CDK14: variants seen among roughly 807,000 people sequenced by gnomAD.
CDK14 encodes cyclin dependent kinase 14.
Under a neutral mutation model 60.7 loss-of-function variants are expected in CDK14, and 34 were observed. The ratio of observed to expected loss-of-function variants is 0.56; its 90% CI spans 0.43 to 0.75. CDK14 has a LOEUF of 0.75. CDK14 is among the 30% of genes least tolerant of loss of function. The pLI is 0.00. For missense variants in CDK14, 482 were observed against 564.1 expected (o/e 0.85, Z 1.47); for synonymous variants, 197 against 203.7 (o/e 0.97, Z 0.28).
At chr7:91,099,255 C>A (rs541098045) in intron 12 of CDK14, among the ~76,000 whole-genome samples, 2 of 152,210 alleles carry the variant, frequency 1.3e-5, no homozygotes, top group Admixed American at 1.3e-4. Flanking sequence ...AAATGTTTTT[C>A]ATACTGCTTG....
At chr7:90,920,084 A>G (rs1169736939) in intron 8 of CDK14, among the ~76,000 whole-genome samples, 3 of 152,152 alleles carry the variant, frequency 2.0e-5, no homozygotes, top group Non-Finnish European at 4.4e-5. Flanking sequence ...TTGTCTTTTA[A>G]TTTAAGACAT....
intron 10 of CDK14, among the ~76,000 whole-genome samples, chr7:91,043,794 A>G (rs917260670): frequency 6.6e-6 from 1 of 152,148 alleles, no homozygotes. Context: ...TCATTTGTTG[A>G]TGCTGGATTC....
intron 2 of CDK14, among the ~76,000 whole-genome samples, chr7:90,636,354 A>G (rs1800149418): frequency 6.6e-6 from 1 of 152,170 alleles, no homozygotes; most frequent in Non-Finnish European, 1.5e-5. Context: ...AGGTTATTGA[A>G]TTTTGTCAAA....
At chr7:91,186,866 A>T (rs1048880879) in intron 14 of CDK14, among the ~76,000 whole-genome samples, 11 of 152,328 alleles carry the variant, frequency 7.2e-5, no homozygotes, top group African/African-American at 2.4e-4. Context: ...TCTGCATGTT[A>T]GTCAGTTATA....
intron 5 of CDK14, among the ~76,000 whole-genome samples, chr7:90,860,584 G>A (rs1266488810): frequency 6.8e-6 from 1 of 146,912 alleles, no homozygotes; most frequent in Non-Finnish European, 1.5e-5. Context: ...GGACTGCAGT[G>A]GTGTGATCTC....
chr7:91,043,706 GATCT>G (rs1456440613), intron 10 of CDK14, among the ~76,000 whole-genome samples: 1 of 152,104 alleles, frequency 6.6e-6, no homozygotes, highest in Non-Finnish European at 1.5e-5. Context: ...AGTTTGTGTA[GATCT>G]ATCTATTGAT....
intron 5 of CDK14, among the ~76,000 whole-genome samples, chr7:90,805,616 T>C (rs776979574): frequency 3.9e-5 from 6 of 151,994 alleles, no homozygotes; most frequent in Non-Finnish European, 5.9e-5. Context: ...AAAATCTTGA[T>C]GGAAAGAAAT....
rs182434941 is a variant in CDK14, at chr7:91,142,093, G to T, written c.*28+23885G>T. Among the ~76,000 whole-genome samples the T allele has an allele frequency of 8.7e-5, 13 of 150,222 alleles. No individual in the cohort carries two copies. In the East Asian group the frequency reaches 2.1e-3, roughly 25 times the overall value. The stretch of plus-strand genomic sequence containing the variant: ...CCCACCTGGGCCTCCCATAGTGCTG[G>T]GGTTTACAGGCATGAACCACCATGC... On this transcript the variant is annotated intron_variant, in intron 14 of 14. Transcript: ENST00000380050.
At chr7:90,967,068 G>A (rs968295162) in intron 9 of CDK14, among the ~76,000 whole-genome samples, 2 of 147,432 alleles carry the variant, frequency 1.4e-5, no homozygotes, top group Non-Finnish European at 3.0e-5. Flanking sequence ...CACCTTGAAC[G>A]TCTTGATATT....
chr7:90,947,665 G>T (rs138218137), intron 8 of CDK14, among the ~76,000 whole-genome samples: 9 of 152,066 alleles, frequency 5.9e-5, no homozygotes, highest in African/African-American at 2.2e-4. Flanking sequence ...ACCAGGTAAG[G>T]ATATTGCCTC....
intron 7 of CDK14, among the ~76,000 whole-genome samples, chr7:90,903,675 C>G (rs1194695240): frequency 1.3e-5 from 2 of 151,852 alleles, no homozygotes; most frequent in Admixed American, 6.6e-5. Context: ...TAGTTAACAA[C>G]AATACATTGC....
chr7:90,744,687 G>A (rs1803509161), intron 3 of CDK14, among the ~76,000 whole-genome samples: 3 of 142,102 alleles, frequency 2.1e-5, no homozygotes, highest in African/African-American at 8.1e-5. Flanking sequence ...CCGGGCAGAG[G>A]GGCTCCTCAC....
intron 9 of CDK14, 78 bp downstream of exon 9, chr7:90,955,895 A>G: frequency 6.5e-7 from 1 of 1,530,272 alleles, no homozygotes; most frequent in South Asian, 1.2e-5. Flanking sequence ...ACATCCTAAC[A>G]GTTTGAATGA....
chr7:90,912,557 A>G (rs1478390655), intron 7 of CDK14, among the ~76,000 whole-genome samples: 1 of 152,170 alleles, frequency 6.6e-6, no homozygotes, highest in East Asian at 1.9e-4. Flanking sequence ...AAAATACAGG[A>G]TGGTAGCTGG....
chr7:90,778,714 G>A (rs530107640), intron 4 of CDK14, among the ~76,000 whole-genome samples: 41 of 151,418 alleles, frequency 2.7e-4, no homozygotes, highest in African/African-American at 9.5e-4. Context: ...CTTTATTTTT[G>A]TTTAACACAT....
At chr7:90,735,967 G>C (rs1803082771) in intron 3 of CDK14, among the ~76,000 whole-genome samples, 2 of 152,178 alleles carry the variant, frequency 1.3e-5, no homozygotes, top group Non-Finnish European at 2.9e-5. Flanking sequence ...GGCACCGGCG[G>C]GAATCTCCTG....
chr7:90,708,701 A>G (rs1467300117), intron 2 of CDK14, among the ~76,000 whole-genome samples: 3 of 152,154 alleles, frequency 2.0e-5, no homozygotes, highest in Admixed American at 2.0e-4. Flanking sequence ...TGTATACCCT[A>G]GTTTGGGGAG....
chr7:90,942,442 G>T (rs1166259469), intron 8 of CDK14, among the ~76,000 whole-genome samples: 1 of 152,178 alleles, frequency 6.6e-6, no homozygotes, highest in Non-Finnish European at 1.5e-5. Flanking sequence ...ACAATAAGGA[G>T]AAATGACTTT....
At chr7:90,688,820 C>A (rs921337769) in intron 2 of CDK14, among the ~76,000 whole-genome samples, 2 of 152,120 alleles carry the variant, frequency 1.3e-5, no homozygotes, top group Non-Finnish European at 2.9e-5. Flanking sequence ...TATGTAGAAA[C>A]AATATTTACA....
Sources: allele counts gnomAD v4.1 joint callset (sites outside exome capture counted in the v4.1 genomes callset), GRCh38; gene constraint gnomAD v4.1.1; transcripts MANE v1.5; gene names NCBI Gene and HGNC (gene_info 2026-07-23, HGNC 2026-07-21).